FRY: variants seen among roughly 807,000 people sequenced by gnomAD.
FRY encodes protein furry homolog.
In FRY, 128 loss-of-function variants were observed where a neutral mutation model predicts 348.4. The observed-to-expected ratio is 0.37, with a 90% CI of 0.32 to 0.43. The LOEUF (loss-of-function observed/expected upper bound fraction) is 0.43, where lower values mean the gene tolerates loss of function less well. FRY is among the 20% of genes least tolerant of loss of function. The probability of loss-of-function intolerance (pLI) is 1.00; values close to 1 mark genes in which losing one functional copy is unlikely to be tolerated. For synonymous variants in FRY, 1,370 were observed against 1,374.7 expected, an observed-to-expected ratio of 1.00 and a Z score of 0.08; for missense variants, 2,736 against 3,695.2, an observed-to-expected ratio of 0.74 and a Z score of 6.73.
chr13:32,136,390 T>A (rs1879721542), intron 10 of FRY, among the ~76,000 whole-genome samples: 1 of 152,194 alleles, frequency 6.6e-6, no homozygotes, highest in African/African-American at 2.4e-5. Flanking sequence ...TTAGGAATCT[T>A]CCTTAATTAC....
chr13:32,218,922 T>C (rs1885157082), intron 36 of FRY, 91 bp downstream of exon 36: 2 of 752,718 alleles, frequency 2.7e-6, no homozygotes, highest in East Asian at 2.6e-5. Context: ...GTCTGATTAC[T>C]AAAAGGGCCT....
chr13:32,236,792 T>G (rs918510521), intron 43 of FRY, among the ~76,000 whole-genome samples: 1 of 152,228 alleles, frequency 6.6e-6, no homozygotes, highest in Non-Finnish European at 1.5e-5. Flanking sequence ...GAGCATTTTT[T>G]ATGGATAATT....
chr13:32,062,253 G>T (rs1403358265), intron 1 of FRY, among the ~76,000 whole-genome samples: 2 of 151,266 alleles, frequency 1.3e-5, no homozygotes, highest in African/African-American at 4.9e-5. Flanking sequence ...TCAGGTATTT[G>T]GAAAAGGTTG....
At chr13:32,139,662 A>T (rs1053608119) in intron 11 of FRY, among the ~76,000 whole-genome samples, 2 of 152,238 alleles carry the variant, frequency 1.3e-5, no homozygotes, top group African/African-American at 2.4e-5. Context: ...TAACTTAAGC[A>T]TCTATTAGTA....
rs1307341183 is a variant in FRY at position 32,239,412 on chromosome 13, G to A, written c.6516+63G>A. The A allele has an allele frequency of 8.2e-6, 8 of 970,986 alleles. No homozygotes were observed. The highest frequency in any genetic ancestry group is 1.3e-5 in the Non-Finnish European group (8 of 592,656). The allele number at this position is 970,986 out of a possible 1,614,324, so 60.1% of individuals were successfully genotyped here. A position where few individuals can be genotyped will look rare whatever the true frequency, so the allele number is the denominator to read the frequency against. On this transcript the variant is annotated intron_variant, in intron 45 of 60. Coordinates refer to ENST00000542859, the MANE Select transcript of FRY (RefSeq NM_023037.3). The surrounding 1 kb of genome is among the most constrained non-coding windows in gnomAD (Gnocchi z 4.3). ...AGGCCTTCAGGACGCCCTAGTGTCA[G>A]GCAAATTACAAGGCCCAGAGATGGC... is the stretch of plus-strand genomic sequence containing the variant.
chr13:32,164,687 G>A (rs1345876930), intron 17 of FRY, among the ~76,000 whole-genome samples: 2 of 152,172 alleles, frequency 1.3e-5, no homozygotes, highest in Non-Finnish European at 2.9e-5. Flanking sequence ...TGACATTGTG[G>A]TGAGATCCAT....
rs1593792224 is a variant in FRY at position 32,243,787 on chromosome 13, C to T, written c.6688-255C>T. Among the ~76,000 whole-genome samples, 5 of 151,846 alleles carry T rather than the reference C, an allele frequency of 3.3e-5. No individual in the cohort carries two copies. In the East Asian group the frequency reaches 9.6e-4, roughly 29 times the overall value. On this transcript the variant is annotated intron_variant, in intron 46 of 60. Transcript: ENST00000542859. The stretch of plus-strand genomic sequence containing the variant: ...TTCTTCATAGTTAGGATTTTATTTC[C>T]CCTCCTAAGGAAATGTGCAATCAAG...
At position 32,155,507 on chromosome 13, in the gene FRY, T is replaced by C; in HGVS notation, c.1496T>C (p.Leu499Ser). The change falls in exon 15 of 61, where the codon TTA (leucine) becomes TCA (serine). Residue 499 changes from leucine to serine, a missense_variant. Leu to Ser is a moderately radical substitution (Grantham distance 145). Coordinates refer to ENST00000542859, the MANE Select transcript of FRY (RefSeq NM_023037.3). ...CTCTTACAGAGAATGAACATTGGTT[T>C]ACGGGCATTCTTGGTCATAGCTGAT... ...SLNPERMNIG[L>S]RAFLVIADSL... is the part of the protein sequence containing the mutation. 1 of 1,613,252 alleles carries C rather than the reference T, an allele frequency of 6.2e-7. No individual in the cohort carries two copies. The highest frequency in any genetic ancestry group is 8.5e-7 in the Non-Finnish European group (1 of 1,179,182).
At chr13:32,033,307 AG>A (rs1202860739) in intron 1 of FRY, among the ~76,000 whole-genome samples, 7 of 152,222 alleles carry the variant, frequency 4.6e-5, no homozygotes, top group African/African-American at 7.2e-5. Flanking sequence ...TTTATGGAGC[AG>A]TTTTCCAATA....
chr13:32,084,071 A>G lies in FRY; in HGVS notation c.270+5038A>G, dbSNP rs57669939. ...TGTTATATTTCATTCAATATTTCCA[A>G]GCACTTACTCCGTGTGAGCTTTTGG... On this transcript the variant is annotated intron_variant, in intron 2 of 60. Coordinates refer to ENST00000542859, the MANE Select transcript of FRY (RefSeq NM_023037.3). 7.2e-3 allele frequency among the ~76,000 whole-genome samples: 1,090 copies of G among 152,184 alleles called. 18 individuals are homozygous for G. The highest frequency in any genetic ancestry group is 0.025 in the African/African-American group (1,026 of 41,526).
intron 1 of FRY, among the ~76,000 whole-genome samples, chr13:32,052,232 A>G (rs1873369933): frequency 6.6e-6 from 1 of 152,260 alleles, no homozygotes; most frequent in Non-Finnish European, 1.5e-5. Flanking sequence ...GAAGTGATCA[A>G]TAAATGTTAT....
intron 53 of FRY, among the ~76,000 whole-genome samples, chr13:32,264,871 G>T (rs967058797): frequency 6.6e-6 from 1 of 152,188 alleles, no homozygotes; most frequent in Admixed American, 6.5e-5. Flanking sequence ...AAGGACTCTG[G>T]ATCACTCGTG....
In FRY at chr13:32,117,397, G is replaced by A; in HGVS notation, c.388G>A (p.Asp130Asn). ...CLPSILRTLF[D>N]WYKRQNGIED... is the part of the protein sequence containing the mutation. ...GCCTTCCATTCTACGTACATTATTT[G>A]ACTGGTATAAAAGGCAAAATGGCAT... The change falls in exon 4 of 61, where the codon GAC becomes AAC. Residue 130 changes from aspartate (D) to asparagine (N), a missense_variant. By Grantham distance (23) the Asp-to-Asn change is conservative. Coordinates refer to ENST00000542859, the MANE Select transcript of FRY (RefSeq NM_023037.3). The A allele has an allele frequency of 1.2e-6, 2 of 1,613,588 alleles. No homozygotes were observed. Among genetic ancestry groups the A allele is most frequent in the South Asian group, 2.2e-5 (2 of 91,044 alleles).
At chr13:32,071,099 G>C (rs1874625813) in intron 1 of FRY, among the ~76,000 whole-genome samples, 1 of 152,204 alleles carries the variant, frequency 6.6e-6, no homozygotes, top group African/African-American at 2.4e-5. Context: ...GTACCATGCT[G>C]TTTTGGTTAC....
At chr13:32,037,059 A>C (rs440430) in intron 1 of FRY, among the ~76,000 whole-genome samples, 5,525 of 33,426 alleles carry the variant, frequency 0.17, 140 homozygotes, top group African/African-American at 0.2. Context: ...CACACACACA[A>C]ACACACACAC....
At chr13:32,173,217 A>G in intron 18 of FRY, 150 bp from the exon 19 acceptor site, 1 of 615,598 alleles carries the variant, frequency 1.6e-6, no homozygotes. Context: ...ATGAATAATA[A>G]TAAATTCATA....
chr13:32,156,287 AG>A (rs1881101205), intron 15 of FRY, among the ~76,000 whole-genome samples: 1 of 152,168 alleles, frequency 6.6e-6, no homozygotes, highest in Non-Finnish European at 1.5e-5. Context: ...ATTTCTCTTT[AG>A]TTATGCAATG....
intron 1 of FRY, among the ~76,000 whole-genome samples, chr13:32,054,691 G>A (rs1285351516): frequency 2.0e-5 from 3 of 152,026 alleles, no homozygotes; most frequent in Non-Finnish European, 2.9e-5. Context: ...GGCAAACACG[G>A]TGAGACCCCG....
At chr13:32,056,616 C>G (rs1252471811) in intron 1 of FRY, among the ~76,000 whole-genome samples, 1 of 152,146 alleles carries the variant, frequency 6.6e-6, no homozygotes, top group Non-Finnish European at 1.5e-5. Flanking sequence ...TTTGGTTCCT[C>G]CCTTAAACAC....
Sources: allele counts gnomAD v4.1 joint callset (sites outside exome capture counted in the v4.1 genomes callset), GRCh38; gene constraint gnomAD v4.1.1; non-coding constraint Gnocchi (gnomAD v3.1); transcripts MANE v1.5; gene names NCBI Gene and HGNC (gene_info 2026-07-23, HGNC 2026-07-21).